MYLK: variants seen among roughly 807,000 people sequenced by gnomAD.
MYLK encodes myosin light chain kinase, also known as myosin light chain kinase, smooth muscle.
A neutral mutation model predicts 203.4 loss-of-function variants in MYLK; 106 were observed. The observed-to-expected ratio is 0.52, with a 90% CI of 0.45 to 0.61. The LOEUF (loss-of-function observed/expected upper bound fraction) is 0.61, where lower values mean the gene tolerates loss of function less well. Among genes scored for constraint, MYLK ranks in the 20% least tolerant of loss-of-function variants. The pLI is 0.00. For missense variants in MYLK, 2,072 were observed against 2,442.3 expected, an observed-to-expected ratio of 0.85 and a Z score of 3.20; for synonymous variants, 867 against 959.5, an observed-to-expected ratio of 0.90 and a Z score of 1.78.
chr3:123,779,239 G>A (rs1332965789), intron 4 of MYLK, among the ~76,000 whole-genome samples: 1 of 152,170 alleles, frequency 6.6e-6, no homozygotes, highest in Non-Finnish European at 1.5e-5. Flanking sequence ...CTGGGGGATG[G>A]TGGCCTGGGA....
intron 3 of MYLK, among the ~76,000 whole-genome samples, chr3:123,823,681 G>A (rs545724825): frequency 1.4e-4 from 21 of 152,176 alleles, no homozygotes; most frequent in African/African-American, 4.3e-4. Context: ...GTCAGATTGC[G>A]GTGCTCCCCA....
intron 2 of MYLK, among the ~76,000 whole-genome samples, chr3:123,843,315 C>G (rs1273861785): frequency 1.9e-4 from 29 of 152,080 alleles, no homozygotes; most frequent in Admixed American, 1.9e-3. Flanking sequence ...TTAAAGAGGC[C>G]AGATAAGCCA....
At chr3:123,844,670 C>A (rs1305584292) in intron 2 of MYLK, among the ~76,000 whole-genome samples, 4 of 152,064 alleles carry the variant, frequency 2.6e-5, no homozygotes, top group African/African-American at 7.2e-5. Context: ...TCTGTCTGCA[C>A]CCAGCCCACT....
In MYLK at chr3:123,677,709, T is replaced by C. The variant is rs2060114852; in HGVS notation, c.3652+4515A>G. ...ATTGACAATAAATGTAGACTATGAA[T>C]CAATTAGACAACAGTATTGGTTCAA... is the stretch of plus-strand genomic sequence containing the variant. On this transcript the variant is annotated intron_variant, in intron 20 of 33. Transcript: ENST00000360304. Among the ~76,000 whole-genome samples the C allele has an allele frequency of 2.0e-5, 3 of 151,846 alleles. No individual in the cohort carries two copies. In the South Asian group the frequency reaches 6.3e-4, roughly 32 times the overall value.
chr3:123,743,625 G>C (rs1472292920), intron 5 of MYLK, among the ~76,000 whole-genome samples: 1 of 152,150 alleles, frequency 6.6e-6, no homozygotes, highest in Non-Finnish European at 1.5e-5. Context: ...ACAGAAGCAA[G>C]TTGCTGAGAA....
At chr3:123,675,093 T>C (rs1241502808) in intron 20 of MYLK, among the ~76,000 whole-genome samples, 1 of 152,266 alleles carries the variant, frequency 6.6e-6, no homozygotes, top group Non-Finnish European at 1.5e-5. Context: ...CCCTGGGCAC[T>C]GATGCTGAGA....
At chr3:123,706,616 G>A (rs1204840045) in intron 16 of MYLK, among the ~76,000 whole-genome samples, 1 of 152,190 alleles carries the variant, frequency 6.6e-6, no homozygotes, top group Non-Finnish European at 1.5e-5. Context: ...GGCTGGCATA[G>A]GATTTTAAGA....
At chr3:123,873,546 G>C (rs962608796) in intron 2 of MYLK, among the ~76,000 whole-genome samples, 2 of 151,662 alleles carry the variant, frequency 1.3e-5, no homozygotes, top group Non-Finnish European at 2.9e-5. Flanking sequence ...AAATCTCAAA[G>C]AATCTAGAAA....
At chr3:123,681,942 A>C in intron 20 of MYLK, 1 of 484,286 alleles carries the variant, frequency 2.1e-6, no homozygotes. Flanking sequence ...AAAGGGCATG[A>C]AGGAGGTTGG....
At chr3:123,638,296 C>A in intron 28 of MYLK, 102 bp from the exon 29 acceptor site, 1 of 1,534,046 alleles carries the variant, frequency 6.5e-7, no homozygotes, top group Non-Finnish European at 9.0e-7. Context: ...CTGGGAGGGG[C>A]CAGACACAGG....
chr3:123,786,434 A>G (rs982558882), intron 4 of MYLK, among the ~76,000 whole-genome samples: 1 of 149,422 alleles, frequency 6.7e-6, no homozygotes, highest in Non-Finnish European at 1.5e-5. Flanking sequence ...TCTGTGTGCT[A>G]GTGTGAAAAC....
intron 13 of MYLK, among the ~76,000 whole-genome samples, chr3:123,720,234 G>A (rs2108729088): frequency 6.6e-6 from 1 of 152,186 alleles, no homozygotes; most frequent in East Asian, 1.9e-4. Flanking sequence ...GATCCTTCAG[G>A]TCCCAGCCCC....
At chr3:123,670,212 G>A (rs897763840) in intron 20 of MYLK, among the ~76,000 whole-genome samples, 6 of 152,118 alleles carry the variant, frequency 3.9e-5, no homozygotes, top group Non-Finnish European at 7.3e-5. Flanking sequence ...TTCAGTCAAC[G>A]TGATGTGGCT....
intron 19 of MYLK, among the ~76,000 whole-genome samples, chr3:123,685,910 T>C (rs889121392): frequency 6.6e-6 from 1 of 152,154 alleles, no homozygotes; most frequent in Non-Finnish European, 1.5e-5. Context: ...CCTTTCAAAC[T>C]AGGCACACCC....
At chr3:123,681,379 G>C (rs967399532) in intron 20 of MYLK, 1 of 152,204 alleles carries the variant, frequency 6.6e-6, no homozygotes, top group Non-Finnish European at 1.5e-5. Context: ...CGAGCAAGGC[G>C]CAGCATGTGT....
At chr3:123,671,146 C>CT (rs2059901341) in intron 20 of MYLK, among the ~76,000 whole-genome samples, 1 of 152,188 alleles carries the variant, frequency 6.6e-6, no homozygotes, top group Non-Finnish European at 1.5e-5. Flanking sequence ...ACACAGATTA[C>CT]TTTGAGATTT....
At chr3:123,649,595 T>C (rs1006620166) in intron 24 of MYLK, among the ~76,000 whole-genome samples, 8 of 152,236 alleles carry the variant, frequency 5.3e-5, no homozygotes. Context: ...GTCAAATCCA[T>C]GTAGCCATTC....
At chr3:123,760,594 G>C (rs1444381738) in intron 4 of MYLK, among the ~76,000 whole-genome samples, 1 of 151,910 alleles carries the variant, frequency 6.6e-6, no homozygotes, top group Non-Finnish European at 1.5e-5. Flanking sequence ...TTTATAATGA[G>C]GTACCCTAAA....
intron 2 of MYLK, among the ~76,000 whole-genome samples, chr3:123,840,616 T>C (rs966290164): frequency 1.4e-4 from 22 of 151,738 alleles, no homozygotes; most frequent in African/African-American, 5.1e-4. Context: ...AAAAAAACCA[T>C]GGAACAATAT....
Sources: gnomAD v4.1 joint callset for allele counts (sites outside exome capture counted in the v4.1 genomes callset) on GRCh38, gnomAD v4.1.1 for gene constraint, MANE v1.5 for transcripts, NCBI Gene and HGNC (gene_info 2026-07-23, HGNC 2026-07-21) for gene names.